IGF1R: variants seen among roughly 807,000 people sequenced by gnomAD.
IGF1R encodes the protein insulin like growth factor 1 receptor, also known as insulin-like growth factor 1 receptor.
Under a neutral mutation model 144.6 loss-of-function variants are expected in IGF1R, and 44 were observed. The ratio of observed to expected loss-of-function variants is 0.30; its 90% confidence interval spans 0.24 to 0.39. The LOEUF (loss-of-function observed/expected upper bound fraction) is 0.39, where lower values mean the gene tolerates loss of function less well. Ranked by LOEUF, IGF1R falls within the 10% of genes least tolerant of loss-of-function variation. The pLI is 1.00. For synonymous variants in IGF1R, 795 were observed against 722.8 expected, an observed-to-expected ratio of 1.10 and a Z score of -1.60; for missense variants, 1,355 against 1,833.7, an observed-to-expected ratio of 0.74 and a Z score of 4.77.
At chr15:98,756,113 A>T (rs1227499614) in intron 2 of IGF1R, among the ~76,000 whole-genome samples, 1 of 152,128 alleles carries the variant, frequency 6.6e-6, no homozygotes, top group Non-Finnish European at 1.5e-5. Flanking sequence ...AGCCCTACAG[A>T]TAGGGGTCTT....
chr15:98,816,038 C>G (rs1360580449), intron 2 of IGF1R, among the ~76,000 whole-genome samples: 2 of 152,214 alleles, frequency 1.3e-5, no homozygotes, highest in Non-Finnish European at 2.9e-5. Flanking sequence ...TCCCTTTCTC[C>G]TTTGACACCA....
chr15:98,822,357 T>C (rs1468375481), intron 2 of IGF1R, among the ~76,000 whole-genome samples: 2 of 152,204 alleles, frequency 1.3e-5, no homozygotes, highest in African/African-American at 2.4e-5. Context: ...ATTGGAGTAA[T>C]AGGCATTTTT....
Position 98,922,216 on chromosome 15 carries a change from C to T in IGF1R, c.2270C>T (p.Thr757Ile), listed in dbSNP as rs1357104799. 1.5e-5 allele frequency: 24 copies of T among 1,614,096 alleles called. No homozygotes were observed. The highest frequency in any genetic ancestry group is 1.8e-5 in the Non-Finnish European group (21 of 1,180,048). Residue 757 changes from threonine to isoleucine, a missense_variant, in exon 11 of 21, where the codon ACC becomes ATC. Physicochemically the swap from Thr to Ile is moderately conservative, Grantham distance 89. Coordinates refer to ENST00000650285, the MANE Select transcript of IGF1R (RefSeq NM_000875.5). ...NTTMSSRSRN[T>I]TAADTYNITD... ...ACCATGTCCAGCCGAAGCAGGAACA[C>T]CACGGCCGCAGACACCTACAACATC... is the stretch of plus-strand genomic sequence containing the variant.
At position 98,722,276 on chromosome 15, in the gene IGF1R, C is replaced by T. The variant is rs2054264042; in HGVS notation, c.640+14169C>T. On this transcript the variant is annotated intron_variant, in intron 2 of 20. Coordinates refer to ENST00000650285, the MANE Select transcript of IGF1R (RefSeq NM_000875.5). ...AGAAGAGAAATAGAGGCAACAAGTG[C>T]TAGGAGCTCAGAGGAGGGTAAGTTC... is the stretch of plus-strand genomic sequence containing the variant. Among the ~76,000 whole-genome samples, 2 of 152,138 alleles carry T rather than the reference C, an allele frequency of 1.3e-5. 1 individual carries two copies. Among genetic ancestry groups the T allele is most frequent in the South Asian group, 4.1e-4 (2 of 4,822 alleles).
At chr15:98,832,521 A>T (rs550238772) in intron 2 of IGF1R, among the ~76,000 whole-genome samples, 2 of 152,276 alleles carry the variant, frequency 1.3e-5, no homozygotes, top group South Asian at 4.1e-4. Context: ...TTGTATTCCT[A>T]CTCTAGGAGC....
chr15:98,874,087 T>G (rs897201741), intron 2 of IGF1R, among the ~76,000 whole-genome samples: 1 of 152,104 alleles, frequency 6.6e-6, no homozygotes, highest in African/African-American at 2.4e-5. Context: ...GGAGGAGTTA[T>G]GGGCATGTGA....
At chr15:98,931,839 G>A (rs1186874232) in intron 15 of IGF1R, among the ~76,000 whole-genome samples, 5 of 152,190 alleles carry the variant, frequency 3.3e-5, no homozygotes, top group South Asian at 2.1e-4. Flanking sequence ...CCTATAGAGC[G>A]AGACTGGCTC....
intron 2 of IGF1R, among the ~76,000 whole-genome samples, chr15:98,726,984 G>T (rs1166195459): frequency 1.3e-5 from 2 of 152,136 alleles, no homozygotes; most frequent in Non-Finnish European, 2.9e-5. Context: ...GCCTCCCAAA[G>T]TGCTGGGATT....
rs1298783840 is a variant in IGF1R at position 98,707,399 on chromosome 15, C to G, written c.95-163C>G. Among the ~76,000 whole-genome samples, 1 of 152,202 alleles carries G rather than the reference C, an allele frequency of 6.6e-6. No homozygotes were observed. The highest frequency in any genetic ancestry group is 1.5e-5 in the Non-Finnish European group (1 of 68,032). ...AAATGCCAGCTAACTGGTTAGCCAC[C>G]TAAACTGTCAGTCTGCAACCCACAG... On this transcript the variant is annotated intron_variant, in intron 1 of 20. Coordinates refer to ENST00000650285, the MANE Select transcript of IGF1R (RefSeq NM_000875.5). The surrounding 1 kb of genome is among the most constrained non-coding windows in gnomAD (Gnocchi z 6.7).
chr15:98,885,027 C>A (rs1192831188), intron 2 of IGF1R, among the ~76,000 whole-genome samples: 1 of 152,158 alleles, frequency 6.6e-6, no homozygotes, highest in African/African-American at 2.4e-5. Context: ...CCCGCACTCT[C>A]TGTTGGCTCT....
intron 2 of IGF1R, among the ~76,000 whole-genome samples, chr15:98,883,983 A>G (rs968702126): frequency 2.0e-5 from 3 of 152,150 alleles, no homozygotes. Flanking sequence ...ATAATTCCAC[A>G]AATACATTAT....
chr15:98,951,970 C>G (rs534413589), intron 20 of IGF1R, among the ~76,000 whole-genome samples: 7 of 152,324 alleles, frequency 4.6e-5, no homozygotes, highest in Middle Eastern at 3.4e-3. Flanking sequence ...CACATCATCC[C>G]TGTGTTGTCA....
chr15:98,685,918 T>A (rs894518385), intron 1 of IGF1R, among the ~76,000 whole-genome samples: 1 of 152,240 alleles, frequency 6.6e-6, no homozygotes, highest in Non-Finnish European at 1.5e-5. Flanking sequence ...AGAATTTTTT[T>A]AAATGTACGA....
At chr15:98,669,429 C>T (rs894252116) in intron 1 of IGF1R, among the ~76,000 whole-genome samples, 1 of 152,196 alleles carries the variant, frequency 6.6e-6, no homozygotes, top group African/African-American at 2.4e-5. Context: ...TCTTGCCACC[C>T]TGGGCTTTGA....
At chr15:98,740,991 G>A (rs1191541980) in intron 2 of IGF1R, among the ~76,000 whole-genome samples, 2 of 152,082 alleles carry the variant, frequency 1.3e-5, no homozygotes, top group South Asian at 4.1e-4. Context: ...TGTATTTGTG[G>A]TTTAAAAAAA....
At chr15:98,762,376 C>A (rs2055327256) in intron 2 of IGF1R, among the ~76,000 whole-genome samples, 1 of 151,744 alleles carries the variant, frequency 6.6e-6, no homozygotes, top group African/African-American at 2.4e-5. Context: ...GATTTGTGAA[C>A]CTCGTGATTC....
chr15:98,895,850 C>T (rs1439714733), intron 3 of IGF1R, among the ~76,000 whole-genome samples: 1 of 152,216 alleles, frequency 6.6e-6, no homozygotes, highest in Non-Finnish European at 1.5e-5. Context: ...AGCTTACCAT[C>T]CTATTACACA....
intron 1 of IGF1R, among the ~76,000 whole-genome samples, chr15:98,697,849 T>G (rs2053631748): frequency 1.1e-5 from 1 of 89,648 alleles, no homozygotes; most frequent in African/African-American, 6.5e-5. Context: ...GCGATTCTCA[T>G]GCCTCAGCCA....
intron 2 of IGF1R, among the ~76,000 whole-genome samples, chr15:98,775,421 C>T (rs1034735255): frequency 2.0e-5 from 3 of 152,156 alleles, no homozygotes; most frequent in African/African-American, 7.2e-5. Flanking sequence ...ACTGGGCATC[C>T]GTGTTTTCGA....
Sources: gnomAD v4.1 joint callset for allele counts (sites outside exome capture counted in the v4.1 genomes callset) on GRCh38, gnomAD v4.1.1 for gene constraint, Gnocchi (gnomAD v3.1) non-coding constraint, MANE v1.5 for transcripts, NCBI Gene and HGNC (gene_info 2026-07-23, HGNC 2026-07-21) for gene names.